MAGI1: variants seen among roughly 807,000 people sequenced by gnomAD.
The protein encoded by MAGI1 is membrane associated guanylate kinase, WW and PDZ domain containing 1.
Under a neutral mutation model 139.9 loss-of-function variants are expected in MAGI1, and 58 were observed. The observed-to-expected ratio is 0.41, with a 90% CI of 0.34 to 0.52. The LOEUF (loss-of-function observed/expected upper bound fraction) is 0.52. Ranked by LOEUF, MAGI1 falls within the 20% of genes least tolerant of loss-of-function variation. The pLI is 0.12. For missense variants in MAGI1, 1,874 were observed against 1,901.6 expected, an observed-to-expected ratio of 0.99 and a Z score of 0.27; for synonymous variants, 812 against 737.9, an observed-to-expected ratio of 1.10 and a Z score of -1.63.
chr3:65,752,953 G>A (rs1176911289), intron 1 of MAGI1, among the ~76,000 whole-genome samples: 5 of 152,072 alleles, frequency 3.3e-5, no homozygotes, highest in Non-Finnish European at 5.9e-5. Context: ...CACTTGTCCT[G>A]GCTGTATTCA....
chr3:65,973,150 A>G (rs755268777), intron 1 of MAGI1, among the ~76,000 whole-genome samples: 16 of 152,116 alleles, frequency 1.1e-4, no homozygotes, highest in Non-Finnish European at 1.8e-4. Context: ...CCCTGTCTCA[A>G]AAAATAATAA....
chr3:65,416,789 T>C (rs1017174299), intron 12 of MAGI1, among the ~76,000 whole-genome samples: 1 of 152,168 alleles, frequency 6.6e-6, no homozygotes, highest in African/African-American at 2.4e-5. Context: ...TTTGAAGACA[T>C]TAAGATTCTA....
chr3:65,797,610 G>C (rs2040231771), intron 1 of MAGI1, among the ~76,000 whole-genome samples: 1 of 151,984 alleles, frequency 6.6e-6, no homozygotes, highest in African/African-American at 2.4e-5. Flanking sequence ...CAGCTACCTG[G>C]GAGACTGAGG....
At chr3:65,739,229 T>C (rs983275912) in intron 1 of MAGI1, among the ~76,000 whole-genome samples, 1 of 152,222 alleles carries the variant, frequency 6.6e-6, no homozygotes, top group African/African-American at 2.4e-5. Flanking sequence ...CTTCTTTCCT[T>C]AAACTTCATG....
At chr3:65,597,200 T>G (rs1408944392) in intron 2 of MAGI1, among the ~76,000 whole-genome samples, 1 of 148,986 alleles carries the variant, frequency 6.7e-6, no homozygotes, top group Non-Finnish European at 1.5e-5. Context: ...CCCTCCACAC[T>G]GAGCAGGCTT....
At chr3:65,509,225 G>T (rs979061610) in intron 2 of MAGI1, among the ~76,000 whole-genome samples, 16 of 152,172 alleles carry the variant, frequency 1.1e-4, no homozygotes, top group African/African-American at 3.9e-4. Context: ...TTTAAATGAA[G>T]CAGTAGGGAA....
intron 1 of MAGI1, among the ~76,000 whole-genome samples, chr3:65,775,502 CAAAAAAAAAAAA>C (rs9311958): frequency 3.3e-4 from 12 of 36,594 alleles, no homozygotes; most frequent in East Asian, 1.2e-3. Flanking sequence ...CCCACTCTGC[CAAAAAAAAAAAA>C]AAAAAAAAAA....
intron 1 of MAGI1, among the ~76,000 whole-genome samples, chr3:65,882,053 T>C (rs888531177): frequency 6.6e-6 from 1 of 152,212 alleles, no homozygotes; most frequent in African/African-American, 2.4e-5. Context: ...CAGGGAGAAA[T>C]GCATTAAAAT....
At chr3:65,718,653 C>T (rs1485154748) in intron 1 of MAGI1, 1 of 152,090 alleles carries the variant, frequency 6.6e-6, no homozygotes, top group Admixed American at 6.6e-5. Flanking sequence ...AGCACGTTCT[C>T]AGATCAAATT....
chr3:65,799,702 G>A (rs2040394156), intron 1 of MAGI1, among the ~76,000 whole-genome samples: 1 of 152,174 alleles, frequency 6.6e-6, no homozygotes, highest in African/African-American at 2.4e-5. Context: ...CATAATAAAA[G>A]AGCAGCTGAC....
chr3:65,461,363 G>C (rs537908625), intron 5 of MAGI1, among the ~76,000 whole-genome samples: 2 of 151,434 alleles, frequency 1.3e-5, no homozygotes, highest in Non-Finnish European at 2.9e-5. Flanking sequence ...CTATAGGCTC[G>C]TGCCAATACA....
At chr3:65,594,537 T>C (rs2082099977) in intron 2 of MAGI1, among the ~76,000 whole-genome samples, 1 of 152,226 alleles carries the variant, frequency 6.6e-6, no homozygotes, top group Non-Finnish European at 1.5e-5. Flanking sequence ...ACTGAATTAA[T>C]GGCTGGCATT....
At chr3:65,404,307 G>A (rs575850324) in intron 12 of MAGI1, among the ~76,000 whole-genome samples, 1 of 152,276 alleles carries the variant, frequency 6.6e-6, no homozygotes, top group African/African-American at 2.4e-5. Context: ...AGGATATGGG[G>A]GTAACCAGTT....
chr3:66,015,068 C>G (rs2067551022), intron 1 of MAGI1, among the ~76,000 whole-genome samples: 1 of 151,226 alleles, frequency 6.6e-6, no homozygotes, highest in Non-Finnish European at 1.5e-5. Context: ...CCAGACCAGA[C>G]AGGGTGGCTC....
chr3:65,495,903 T>C (rs1275323657), intron 2 of MAGI1, among the ~76,000 whole-genome samples: 1 of 151,906 alleles, frequency 6.6e-6, no homozygotes, highest in East Asian at 1.9e-4. Context: ...TGCGGTACAG[T>C]GATGAAAAAA....
At chr3:65,911,297 T>C (rs2061658726) in intron 1 of MAGI1, among the ~76,000 whole-genome samples, 1 of 151,882 alleles carries the variant, frequency 6.6e-6, no homozygotes, top group Non-Finnish European at 1.5e-5. Flanking sequence ...TGAACGTTTG[T>C]CCATGGAATT....
intron 1 of MAGI1, among the ~76,000 whole-genome samples, chr3:66,032,967 T>C (rs1159401731): frequency 1.4e-5 from 2 of 146,640 alleles, no homozygotes; most frequent in African/African-American, 2.5e-5. Flanking sequence ...TAATACGAGA[T>C]TGTGTCAAGG....
At position 65,844,231 on chromosome 3, in the gene MAGI1, T is replaced by C. The variant is rs78336559; in HGVS notation, c.313+193765A>G. 1.3e-3 allele frequency: 617 copies of C among 482,978 alleles called. 1 individual carries two copies. The highest frequency in any genetic ancestry group is 0.011 in the African/African-American group (557 of 51,176). The allele number at this position is 482,978 out of a possible 1,614,324, so 29.9% of individuals were successfully genotyped here. A position where few individuals can be genotyped will look rare whatever the true frequency, so the allele number is the denominator to read the frequency against. On this transcript the variant is annotated intron_variant, in intron 1 of 22. Coordinates refer to ENST00000402939, the MANE Select transcript of MAGI1 (RefSeq NM_001033057.2). ...GTTTGGATATAGATTCTCTGGTCAT[T>C]GAGCAGATCCGGGTGAACAAAGCAC...
chr3:65,919,570 A>C (rs1030908281), intron 1 of MAGI1, among the ~76,000 whole-genome samples: 1 of 151,456 alleles, frequency 6.6e-6, no homozygotes, highest in Non-Finnish European at 1.5e-5. Flanking sequence ...TCAAAAAAAA[A>C]CAAAAAGAAA....
Sources: gnomAD v4.1 joint callset for allele counts (sites outside exome capture counted in the v4.1 genomes callset) on GRCh38, gnomAD v4.1.1 for gene constraint, MANE v1.5 for transcripts, NCBI Gene and HGNC (gene_info 2026-07-23, HGNC 2026-07-21) for gene names.